The following LAMA4 variants were observed in gnomAD, a reference collection of about 807,000 sequenced individuals.
The protein encoded by LAMA4 is laminin subunit alpha 4.
A neutral mutation model predicts 207.1 loss-of-function variants in LAMA4; 127 were observed. The ratio of observed to expected loss-of-function variants is 0.61; its 90% CI spans 0.53 to 0.71. The LOEUF (loss-of-function observed/expected upper bound fraction) is 0.71. Among genes scored for constraint, LAMA4 ranks in the 30% least tolerant of loss-of-function variants. The pLI is 0.00. For synonymous variants in LAMA4, 761 were observed against 816.0 expected, an observed-to-expected ratio of 0.93 and a Z score of 1.15; for missense variants, 2,093 against 2,246.5, an observed-to-expected ratio of 0.93 and a Z score of 1.38.
rs1255830395 is a variant in LAMA4, at chr6:112,129,001, G to A, written c.4208C>T (p.Pro1403Leu). The change falls in exon 31 of 39, where the codon CCC (proline) becomes CTC (leucine). Residue 1403 changes from proline to leucine, a missense_variant. Around this residue, in one of 3 missense-constraint regions of LAMA4, gnomAD observed 1,704 missense variants for 1,788.4 expected, o/e 0.95. Coordinates refer to ENST00000230538, the MANE Select transcript of LAMA4 (RefSeq NM_001105206.3). ...EKVHTSLYEC[P>L]IESSPLFLLH... The stretch of plus-strand genomic sequence containing the variant: ...GAGAAACAATGGTGAAGACTCAATG[G>A]GACACTCATAAAGAGAAGTGTGGAC... 4.3e-6 allele frequency: 7 copies of A among 1,611,592 alleles called. No individual in the cohort carries two copies. The African/African-American group carries it at 8.0e-5, about 18-fold the overall frequency.
At chr6:112,249,199 C>A (rs1275243437) in intron 2 of LAMA4, among the ~76,000 whole-genome samples, 8 of 152,154 alleles carry the variant, frequency 5.3e-5, no homozygotes, top group South Asian at 4.1e-4. Context: ...AATCCCAGCA[C>A]TTTGGGAGGC....
intron 29 of LAMA4, 56 bp downstream of exon 29, chr6:112,130,912 A>G (rs1778997141): frequency 1.3e-6 from 2 of 1,583,862 alleles, no homozygotes; most frequent in East Asian, 2.2e-5. Flanking sequence ...GGTTTTTGAC[A>G]TAATCATGTC....
intron 2 of LAMA4, among the ~76,000 whole-genome samples, chr6:112,238,321 T>G (rs540783061): frequency 7.2e-5 from 11 of 152,346 alleles, no homozygotes; most frequent in African/African-American, 2.6e-4. Context: ...AGAGTGAAGA[T>G]ATTGATACTG....
At chr6:112,197,035 A>G (rs1783461707) in intron 5 of LAMA4, among the ~76,000 whole-genome samples, 1 of 152,190 alleles carries the variant, frequency 6.6e-6, no homozygotes, top group Non-Finnish European at 1.5e-5. Context: ...AAGGATGAAA[A>G]TGGTATTCCA....
Position 112,121,953 on chromosome 6 carries a change from C to G in LAMA4, c.4475+61G>C, listed in dbSNP as rs111672893. ...GATGGGAAAAAACGATGACATGTGA[C>G]AAACAAAGATGGAGCCCAGCCATGT... On this transcript the variant is annotated intron_variant, in intron 32 of 38. Coordinates refer to ENST00000230538, the MANE Select transcript of LAMA4 (RefSeq NM_001105206.3). 2.5e-4 allele frequency: 368 copies of G among 1,468,232 alleles called. No homozygotes were observed. In the African/African-American group the frequency reaches 4.6e-3, roughly 19 times the overall value. 91.0% of individuals were successfully genotyped at this position (1,468,232 alleles called of 1,614,324 possible).
intron 9 of LAMA4, among the ~76,000 whole-genome samples, chr6:112,182,913 G>A (rs1470792832): frequency 6.6e-6 from 1 of 152,140 alleles, no homozygotes; most frequent in Non-Finnish European, 1.5e-5. Flanking sequence ...TGAGCACTGG[G>A]TATTTATGAA....
In LAMA4 at chr6:112,207,160, AC is replaced by A; in HGVS notation, c.298-16del. ...CGCTGGCAGTGCTATGAGACAAAAG[AC>A]AAGAAGATTGACAAGGATGCGAAAG... On this transcript the variant is annotated splice_polypyrimidine_tract_variant and intron_variant, in intron 3 of 38. Transcript: ENST00000230538. 1 of 1,613,738 alleles carries A rather than the reference AC, an allele frequency of 6.2e-7. No homozygotes were observed. Among genetic ancestry groups the A allele is most frequent in the Non-Finnish European group, 8.5e-7 (1 of 1,179,852 alleles).
chr6:112,238,740 T>G (rs1470445166), intron 2 of LAMA4, among the ~76,000 whole-genome samples: 1 of 152,088 alleles, frequency 6.6e-6, no homozygotes, highest in Non-Finnish European at 1.5e-5. Flanking sequence ...ATAAAAGTAA[T>G]AGTGACATAT....
chr6:112,228,186 G>A (rs573733866), intron 2 of LAMA4, among the ~76,000 whole-genome samples: 1 of 152,194 alleles, frequency 6.6e-6, no homozygotes, highest in South Asian at 2.1e-4. Context: ...TCAGGCCAAA[G>A]GTTGCCCTGT....
At chr6:112,131,143 T>A in intron 28 of LAMA4, 42 bp from the exon 29 acceptor site, 1 of 1,601,246 alleles carries the variant, frequency 6.2e-7, no homozygotes, top group Non-Finnish European at 8.6e-7. Context: ...AGTCTAGGGA[T>A]CCAAAAGACG....
chr6:112,180,267 C>T (rs1190007193), intron 9 of LAMA4, among the ~76,000 whole-genome samples: 2 of 152,034 alleles, frequency 1.3e-5, no homozygotes, highest in Non-Finnish European at 2.9e-5. Context: ...TATAAGAAAA[C>T]CTCTTCTTTT....
intron 13 of LAMA4, among the ~76,000 whole-genome samples, chr6:112,163,326 T>C (rs782142200): frequency 4.0e-5 from 6 of 150,906 alleles, no homozygotes; most frequent in Admixed American, 2.0e-4. Context: ...TAAACGGTTG[T>C]AAAAAAAAAT....
At position 112,191,819 on chromosome 6, in the gene LAMA4, G is replaced by T. The variant is rs1783137629; in HGVS notation, c.535C>A (p.Leu179Ile). 2 of 1,613,978 alleles carry T rather than the reference G, an allele frequency of 1.2e-6. No individual in the cohort carries two copies. Among genetic ancestry groups the T allele is most frequent in the East Asian group, 4.5e-5 (2 of 44,848 alleles). The change falls in exon 6 of 39, where the codon CTC (leucine) becomes ATC (isoleucine). Residue 179 changes from leucine (L) to isoleucine (I), a missense_variant. This residue lies in a region of LAMA4 where 1,704 missense variants were observed against 1,788.4 expected (regional missense o/e 0.95). Transcript: ENST00000230538. The stretch of plus-strand genomic sequence containing the variant: ...CATTTCTTACAGGTGCTTCCAATGA[G>T]TAAGGGGTTTCCATAGTAACCGGGA... ...CAPGYYGNPL[L>I]IGSTCKKCDC...
intron 2 of LAMA4, among the ~76,000 whole-genome samples, chr6:112,231,558 A>G (rs559249006): frequency 5.3e-5 from 8 of 152,314 alleles, no homozygotes; most frequent in African/African-American, 1.9e-4. Flanking sequence ...GTCAACCTCA[A>G]TAGAAGCCAG....
In LAMA4 at chr6:112,144,929, T is replaced by G; in HGVS notation, c.2358A>C (p.Arg786Ser). The G allele has an allele frequency of 6.2e-7, 1 of 1,613,388 alleles. No individual in the cohort carries two copies. The highest frequency in any genetic ancestry group is 2.2e-5 in the East Asian group (1 of 44,856). ...GCTGAGGGACAACCTCGGTCAGATT[T>G]CTTACTGCAGTTAATAAAAATTAAT... ...TAVNSARDAV[R>S]NLTEVVPQLL... is the part of the protein sequence containing the mutation. The change falls in exon 19 of 39, where the codon AGA (arginine) becomes AGC (serine). Residue 786 changes from arginine (R) to serine (S), a missense_variant. Physicochemically the swap from Arg to Ser is moderately radical, Grantham distance 110 (BLOSUM62 -1). Around this residue, in one of 3 missense-constraint regions of LAMA4, gnomAD observed 1,704 missense variants for 1,788.4 expected, o/e 0.95. Coordinates refer to ENST00000230538, the MANE Select transcript of LAMA4 (RefSeq NM_001105206.3).
In LAMA4 at chr6:112,222,952, T is replaced by C. The variant is rs149281357; in HGVS notation, c.196-6483A>G. ...TCTTTAATTTGCTTCTTGAAAATTA[T>C]TTAAAGTAATTGTCAAGTCACTTGT... On this transcript the variant is annotated intron_variant, in intron 2 of 38. Coordinates refer to ENST00000230538, the MANE Select transcript of LAMA4 (RefSeq NM_001105206.3). Among the ~76,000 whole-genome samples the C allele has an allele frequency of 4.2e-4, 64 of 152,362 alleles. No homozygotes were observed. In the East Asian group the frequency reaches 9.3e-3, roughly 22 times the overall value.
chr6:112,155,010 G>A, intron 15 of LAMA4, 63 bp from the exon 16 acceptor site: 1 of 1,069,860 alleles, frequency 9.3e-7, no homozygotes, highest in Non-Finnish European at 1.5e-6. Context: ...ATTCATAGTT[G>A]AAGGATTTAA....
At chr6:112,187,937 C>T (rs1237957569) in intron 7 of LAMA4, among the ~76,000 whole-genome samples, 1 of 152,168 alleles carries the variant, frequency 6.6e-6, no homozygotes, top group Non-Finnish European at 1.5e-5. Context: ...CTGAGGTTAT[C>T]GCTGCGAGAG....
intron 19 of LAMA4, among the ~76,000 whole-genome samples, chr6:112,144,149 T>C (rs1207370192): frequency 3.3e-5 from 5 of 152,188 alleles, no homozygotes; most frequent in South Asian, 2.1e-4. Context: ...CTTTGCCACA[T>C]TGAAAAGTAA....
Sources: gnomAD v4.1 joint callset for allele counts (sites outside exome capture counted in the v4.1 genomes callset) on GRCh38, gnomAD v4.1.1 for gene constraint, gnomAD v4.1.1 regional missense constraint, MANE v1.5 for transcripts, NCBI Gene and HGNC (gene_info 2026-07-23, HGNC 2026-07-21) for gene names.